The following RELN variants were observed in gnomAD, a reference collection of about 807,000 sequenced individuals.
RELN encodes reelin.
A neutral mutation model predicts 427.6 loss-of-function variants in RELN; 108 were observed. The ratio of observed to expected loss-of-function variants is 0.25; its 90% CI spans 0.22 to 0.30. RELN has a LOEUF of 0.30. Ranked by LOEUF, RELN falls within the 10% of genes least tolerant of loss-of-function variation. The pLI is 1.00. For synonymous variants in RELN, 1,524 were observed against 1,513.4 expected, an observed-to-expected ratio of 1.01 and a Z score of -0.16; for missense variants, 3,715 against 4,302.8, an observed-to-expected ratio of 0.86 and a Z score of 3.82.
chr7:103,938,955 T>C (rs1372494557), intron 1 of RELN, among the ~76,000 whole-genome samples: 1 of 151,894 alleles, frequency 6.6e-6, no homozygotes, highest in Admixed American at 6.6e-5. Flanking sequence ...TTTTTTTTTT[T>C]CTCTGAAACA....
At chr7:103,496,806 G>A in intron 55 of RELN, 38 bp from the exon 56 acceptor site, 2 of 1,609,250 alleles carry the variant, frequency 1.2e-6, no homozygotes, top group African/African-American at 1.3e-5. Context: ...AATATATCTA[G>A]AATCTCCTGC....
At chr7:103,946,812 T>TA (rs1032221326) in intron 1 of RELN, among the ~76,000 whole-genome samples, 6 of 152,174 alleles carry the variant, frequency 3.9e-5, no homozygotes, top group Non-Finnish European at 8.8e-5. Flanking sequence ...AAAAAGATAA[T>TA]AAAAAACACT....
chr7:103,600,689 C>A (rs1289302046), intron 24 of RELN, among the ~76,000 whole-genome samples: 4 of 151,898 alleles, frequency 2.6e-5, no homozygotes, highest in Admixed American at 1.3e-4. Flanking sequence ...CTGAATGAAT[C>A]AACAGAAAAA....
intron 1 of RELN, among the ~76,000 whole-genome samples, chr7:103,927,218 A>C (rs992420128): frequency 6.6e-6 from 1 of 152,206 alleles, no homozygotes; most frequent in African/African-American, 2.4e-5. Flanking sequence ...TTATTAAGCA[A>C]ATATTTATAA....
chr7:103,922,166 G>A, intron 1 of RELN, among the ~76,000 whole-genome samples: 1 of 152,056 alleles, frequency 6.6e-6, no homozygotes. Flanking sequence ...CTGGGCCATT[G>A]TTATTCTTAG....
At chr7:103,670,401 G>C (rs906120019) in intron 11 of RELN, among the ~76,000 whole-genome samples, 2 of 151,948 alleles carry the variant, frequency 1.3e-5, no homozygotes, top group African/African-American at 4.8e-5. Context: ...GTCAACATGG[G>C]GTTCAGTTAG....
intron 11 of RELN, among the ~76,000 whole-genome samples, chr7:103,677,108 T>C (rs1028519216): frequency 6.6e-6 from 1 of 152,050 alleles, no homozygotes; most frequent in Non-Finnish European, 1.5e-5. Context: ...TGCTGTCCTT[T>C]GCAGGGACAC....
Position 103,986,739 on chromosome 7 carries a change from T to C in RELN, c.226+2392A>G, listed in dbSNP as rs548533102. Among the ~76,000 whole-genome samples the C allele has an allele frequency of 2.0e-5, 3 of 152,020 alleles. No individual in the cohort carries two copies. The South Asian group carries it at 6.2e-4, about 32-fold the overall frequency. ...CATAAATGTGACTGATTTTTTCTGA[T>C]ATAACTGTTACACTTTAAAGATCCA... On this transcript the variant is annotated intron_variant, in intron 1 of 64. Transcript: ENST00000428762.
chr7:103,880,859 AT>A (rs1270278758), intron 2 of RELN, among the ~76,000 whole-genome samples: 5 of 151,560 alleles, frequency 3.3e-5, no homozygotes, highest in Non-Finnish European at 7.4e-5. Flanking sequence ...TGCGCAGCTA[AT>A]TTTTTTTCTA....
In RELN at chr7:103,892,429, T is replaced by G. The variant is rs138930185; in HGVS notation, c.337+24646A>C. ...GGGTGAAAGGGAAGATTAAAAACAT[T>G]TATGAAGAGCATGTGTTACACATTA... On this transcript the variant is annotated intron_variant, in intron 2 of 64. Transcript: ENST00000428762. Among the ~76,000 whole-genome samples the G allele has an allele frequency of 1.6e-3, 241 of 152,264 alleles. 1 individual carries two copies. Among genetic ancestry groups the G allele is most frequent in the African/African-American group, 5.6e-3 (232 of 41,552 alleles).
chr7:103,867,372 C>T (rs35069465), intron 2 of RELN, among the ~76,000 whole-genome samples: 21,645 of 149,514 alleles, frequency 0.14, 1,835 homozygotes, highest in East Asian at 0.34. Flanking sequence ...TATATTGCCT[C>T]ACTAAAAAAA....
Position 103,776,589 on chromosome 7 carries a change from T to C in RELN, c.512A>G (p.Asp171Gly). ...TTCACACAACTGCTGGGCTAAAGCA[T>C]CTTTGAAAATAACCTGGCCCCGGTG... ...ATHRGQVIFK[D>G]ALAQQLCEQG... Residue 171 changes from aspartate (D) to glycine (G), a missense_variant, in exon 4 of 65, where the codon GAT becomes GGT. Asp to Gly is a moderately conservative substitution (Grantham distance 94, BLOSUM62 -1). Around this residue, in one of 4 missense-constraint regions of RELN, gnomAD observed 2,208 missense variants for 2,361.7 expected, o/e 0.93. Transcript: ENST00000428762. The C allele has an allele frequency of 1.2e-6, 2 of 1,614,090 alleles. No individual in the cohort carries two copies. The highest frequency in any genetic ancestry group is 2.2e-5 in the South Asian group (2 of 91,080).
intron 2 of RELN, among the ~76,000 whole-genome samples, chr7:103,857,388 C>T (rs981535631): frequency 6.6e-6 from 1 of 152,180 alleles, no homozygotes; most frequent in Non-Finnish European, 1.5e-5. Context: ...CCATAGTCTC[C>T]AGTTTTTAGA....
intron 60 of RELN, among the ~76,000 whole-genome samples, chr7:103,489,052 A>T (rs1562845747): frequency 6.6e-6 from 1 of 152,200 alleles, no homozygotes; most frequent in African/African-American, 2.4e-5. Context: ...GAAACATTGG[A>T]TCAAAGGAAA....
At chr7:103,713,801 TTC>T (rs989459648) in intron 8 of RELN, among the ~76,000 whole-genome samples, 2 of 152,202 alleles carry the variant, frequency 1.3e-5, no homozygotes, top group Admixed American at 6.5e-5. Flanking sequence ...TTTCAAATAA[TTC>T]TGTCTCAGAT....
In RELN at chr7:103,751,270, G is replaced by GT. The variant is rs533860269; in HGVS notation, c.578-1767dup. Among the ~76,000 whole-genome samples, 465 of 152,276 alleles carry GT rather than the reference G, an allele frequency of 3.1e-3. 1 individual carries two copies. Among genetic ancestry groups the GT allele is most frequent in the African/African-American group, 0.011 (444 of 41,572 alleles). On this transcript the variant is annotated intron_variant, in intron 5 of 64. Transcript: ENST00000428762. ...TTTCTTTTAAAGGTGATATTTTTAT[G>GT]TTTTTTAGGCTCACTCAAATATAAT...
In RELN at chr7:103,602,200, C is replaced by T. The variant is rs1233966571; in HGVS notation, c.3333+1104G>A. 4.6e-5 allele frequency among the ~76,000 whole-genome samples: 7 copies of T among 152,310 alleles called. No homozygotes were observed. In the South Asian group the frequency reaches 1.4e-3, roughly 32 times the overall value. The stretch of plus-strand genomic sequence containing the variant: ...TACCAATATTAACTCACTTAATCTA[C>T]ATACTAACCCTCATGAGGTAGACAT... On this transcript the variant is annotated intron_variant, in intron 24 of 64. Transcript: ENST00000428762.
intron 38 of RELN, among the ~76,000 whole-genome samples, chr7:103,555,507 C>G (rs906833818): frequency 6.6e-5 from 10 of 152,178 alleles, no homozygotes; most frequent in African/African-American, 2.4e-4. Flanking sequence ...AGCAATCCCT[C>G]CGTCACCCAG....
intron 22 of RELN, among the ~76,000 whole-genome samples, chr7:103,605,223 G>C (rs1241272031): frequency 3.3e-5 from 5 of 152,150 alleles, no homozygotes; most frequent in African/African-American, 1.2e-4. Context: ...AACATTTTCA[G>C]CTAGTTCGTA....
Sources: allele counts gnomAD v4.1 joint callset (sites outside exome capture counted in the v4.1 genomes callset), GRCh38; gene constraint gnomAD v4.1.1; regional missense constraint gnomAD v4.1.1; transcripts MANE v1.5; gene names NCBI Gene and HGNC (gene_info 2026-07-23, HGNC 2026-07-21).